Variants in UGT3A1 observed in about 807,000 individuals in gnomAD.
UGT3A1 encodes UDP-glycosyltransferase 3A1.
Under a neutral mutation model 37.6 loss-of-function variants are expected in UGT3A1, and 40 were observed. The ratio of observed to expected loss-of-function variants is 1.06; its 90% CI spans 0.83 to 1.38. The LOEUF (loss-of-function observed/expected upper bound fraction) is 1.38. Among genes scored for constraint, UGT3A1 ranks in the 40% most tolerant of loss-of-function variants. The pLI is 0.00. For missense variants in UGT3A1, 642 were observed against 634.2 expected, an observed-to-expected ratio of 1.01 and a Z score of -0.13; for synonymous variants, 256 against 232.3, an observed-to-expected ratio of 1.10 and a Z score of -0.93.
rs148743062 is a variant in UGT3A1, at chr5:35,987,635, C to G, written c.196+815G>C. 1.4e-3 allele frequency among the ~76,000 whole-genome samples: 218 copies of G among 152,250 alleles called. 1 individual carries two copies. Among genetic ancestry groups the G allele is most frequent in the African/African-American group, 5.1e-3 (213 of 41,556 alleles). On this transcript the variant is annotated intron_variant, in intron 2 of 6. Transcript: ENST00000274278. ...GTGATCAAAAGTGCATTAAAACTAT[C>G]TAAACATTAACAAGGCCTGAAGTTT...
upstream of UGT3A1, among the ~76,000 whole-genome samples, chr5:35,993,717 T>C (rs1003074281): frequency 1.3e-5 from 2 of 152,130 alleles, no homozygotes; most frequent in African/African-American, 4.8e-5. Flanking sequence ...CTAGTAACCA[T>C]GGAGGGATCC....
chr5:35,955,524 A>G (rs1272607365), intron 6 of UGT3A1, 121 bp downstream of exon 6: 2 of 1,146,872 alleles, frequency 1.7e-6, no homozygotes, highest in East Asian at 5.0e-5. Context: ...TTAGCATCAC[A>G]CACATGTTAT....
intron 2 of UGT3A1, among the ~76,000 whole-genome samples, chr5:35,969,023 G>C (rs1739930638): frequency 6.6e-6 from 1 of 152,166 alleles, no homozygotes; most frequent in African/African-American, 2.4e-5. Context: ...AGCTGTGGTT[G>C]ACAGTAACTC....
At chr5:35,977,138 AGAAG>A (rs1417053056) in intron 2 of UGT3A1, among the ~76,000 whole-genome samples, 10 of 151,012 alleles carry the variant, frequency 6.6e-5, no homozygotes, top group South Asian at 2.1e-4. Flanking sequence ...AAGGAAGGAA[AGAAG>A]GAAGGAAGGA....
chr5:35,977,587 C>T (rs966745586), intron 2 of UGT3A1, among the ~76,000 whole-genome samples: 1 of 152,174 alleles, frequency 6.6e-6, no homozygotes. Context: ...AGCCAGCTCC[C>T]CCTTTGTCTT....
intron 2 of UGT3A1, among the ~76,000 whole-genome samples, chr5:35,979,834 G>C (rs544594439): frequency 6.6e-6 from 1 of 152,302 alleles, no homozygotes; most frequent in Non-Finnish European, 1.5e-5. Flanking sequence ...GTTCCACATA[G>C]CTGGGGAGGC....
intron 6 of UGT3A1, 171 bp downstream of exon 6, chr5:35,955,474 T>A (rs1739315535): frequency 1.4e-6 from 1 of 728,130 alleles, no homozygotes; most frequent in East Asian, 2.7e-5. Flanking sequence ...TAACCTAAAT[T>A]AGTCTTCCTA....
chr5:35,979,773 A>C (rs752191624), intron 2 of UGT3A1, among the ~76,000 whole-genome samples: 4 of 152,220 alleles, frequency 2.6e-5, no homozygotes, highest in Non-Finnish European at 5.9e-5. Context: ...TGATAAAGAC[A>C]TACCTGAGAC....
In UGT3A1 at chr5:35,952,179, A is replaced by G. The variant is rs1739212107; in HGVS notation, c.*2023T>C. On this transcript the variant is annotated 3_prime_UTR_variant, in exon 7 of 7. Transcript: ENST00000274278. Reference sequence around the variant, plus strand: ...AGAAGTTTCTCATTCCAGCAAGAATAGGATGGTATTTCTGAGAGAAGGAAG... The same window carrying G: ...AGAAGTTTCTCATTCCAGCAAGAATGGGATGGTATTTCTGAGAGAAGGAAG... 6.6e-6 allele frequency: 1 copy of G among 152,228 alleles called. No homozygotes were observed. 9.4% of individuals were successfully genotyped at this position (152,228 alleles called of 1,614,324 possible).
At chr5:35,998,512 A>G (rs933731729) in intron 1 of UGT3A1, among the ~76,000 whole-genome samples, 2 of 152,216 alleles carry the variant, frequency 1.3e-5, no homozygotes, top group Non-Finnish European at 2.9e-5. Flanking sequence ...ATCTCCCAAT[A>G]TAACTATTTC....
intron 2 of UGT3A1, among the ~76,000 whole-genome samples, chr5:35,996,571 G>A (rs1187738669): frequency 2.0e-5 from 3 of 152,146 alleles, no homozygotes; most frequent in Non-Finnish European, 4.4e-5. Flanking sequence ...TTTCTAATAT[G>A]CCCTGGGGCC....
intron 2 of UGT3A1, among the ~76,000 whole-genome samples, chr5:35,987,215 T>C (rs954929611): frequency 6.6e-6 from 1 of 152,184 alleles, no homozygotes; most frequent in Non-Finnish European, 1.5e-5. Flanking sequence ...GCTATCAGAC[T>C]ATCAAAAACA....
intron 3 of UGT3A1, among the ~76,000 whole-genome samples, chr5:35,967,611 T>C (rs1170280834): frequency 1.3e-5 from 2 of 152,212 alleles, no homozygotes; most frequent in African/African-American, 4.8e-5. Context: ...TAGGTGTTTC[T>C]TTTTTCTTGA....
chr5:35,954,151 A>C lies in UGT3A1; in HGVS notation c.*51T>G, dbSNP rs556074967. ...GGTGGCGTGTGCTGGGGTGGGGAGA[A>C]CCTTCAAAGGACCAGGGATGCCCTC... On this transcript the variant is annotated 3_prime_UTR_variant, in exon 7 of 7. Coordinates refer to ENST00000274278, the MANE Select transcript of UGT3A1 (RefSeq NM_152404.4). 2 of 1,578,040 alleles carry C rather than the reference A, an allele frequency of 1.3e-6. No homozygotes were observed. Among genetic ancestry groups the C allele is most frequent in the South Asian group, 1.2e-5 (1 of 84,994 alleles).
chr5:35,954,470 G>A lies in UGT3A1; in HGVS notation c.1304C>T (p.Ser435Leu), dbSNP rs771735817. 33 of 1,613,616 alleles carry A rather than the reference G, an allele frequency of 2.0e-5. No homozygotes were observed. In the South Asian group the frequency reaches 2.2e-4, roughly 11 times the overall value. Residue 435 changes from serine (S) to leucine (L), a missense_variant, in exon 7 of 7, where the codon TCG becomes TTG. Ser to Leu is a moderately radical substitution (Grantham distance 145, BLOSUM62 -2). Coordinates refer to ENST00000274278, the MANE Select transcript of UGT3A1 (RefSeq NM_152404.4). ...KQVIEDKRYK[S>L]AVVAASVILH... ...GATGACACTGGCTGCCACCACTGCC[G>A]ACTTGTACCTGTTGGCGGAGACAGA... is the stretch of plus-strand genomic sequence containing the variant.
intron 1 of UGT3A1, among the ~76,000 whole-genome samples, chr5:35,989,332 A>G (rs1414328665): frequency 3.3e-5 from 5 of 152,182 alleles, no homozygotes; most frequent in Non-Finnish European, 7.3e-5. Flanking sequence ...TTATCACGTT[A>G]ATATCTTCTC....
At chr5:35,959,435 A>G (rs937801775) in intron 4 of UGT3A1, among the ~76,000 whole-genome samples, 1 of 152,204 alleles carries the variant, frequency 6.6e-6, no homozygotes, top group Non-Finnish European at 1.5e-5. Context: ...CTCATGGAAA[A>G]CATGGGAAAA....
chr5:35,995,570 T>A (rs2111585707), upstream of UGT3A1, among the ~76,000 whole-genome samples: 1 of 152,224 alleles, frequency 6.6e-6, no homozygotes, highest in South Asian at 2.1e-4. Flanking sequence ...TACATGTTGG[T>A]CTCAGAAGCT....
At chr5:35,991,434 C>T (rs982189132), upstream of UGT3A1, 5 of 1,435,048 alleles carry the variant, frequency 3.5e-6, no homozygotes, top group Non-Finnish European at 3.7e-6. Flanking sequence ...GGTGCATGCT[C>T]CATGGGATAA....
Sources: gnomAD v4.1 joint callset for allele counts (sites outside exome capture counted in the v4.1 genomes callset) on GRCh38, gnomAD v4.1.1 for gene constraint, MANE v1.5 for transcripts, NCBI Gene and HGNC (gene_info 2026-07-23, HGNC 2026-07-21) for gene names.